GPR158: variants seen among roughly 807,000 people sequenced by gnomAD.
GPR158 encodes the protein metabotropic glycine receptor.
Under a neutral mutation model 78.2 loss-of-function variants are expected in GPR158, and 30 were observed. That is an observed-to-expected ratio of 0.38 (90% CI 0.29 to 0.52). The LOEUF is 0.52. Among genes scored for constraint, GPR158 ranks in the 20% least tolerant of loss-of-function variants. The probability of loss-of-function intolerance (pLI) is 0.83; values close to 1 mark genes in which losing one functional copy is unlikely to be tolerated. For missense variants in GPR158, 1,463 were observed against 1,523.5 expected (o/e 0.96, Z 0.66); for synonymous variants, 581 against 591.1 (o/e 0.98, Z 0.25).
chr10:25,444,849 C>A (rs1306768260), intron 4 of GPR158, among the ~76,000 whole-genome samples: 4 of 152,050 alleles, frequency 2.6e-5, no homozygotes, highest in African/African-American at 9.7e-5. Flanking sequence ...GAACAGTAGT[C>A]ATGTGATGTA....
intron 2 of GPR158, chr10:25,244,897 C>G (rs924738847): frequency 4.0e-5 from 6 of 151,034 alleles, no homozygotes; most frequent in African/African-American, 1.5e-4. Flanking sequence ...CCTCTTTTCT[C>G]CTGGATTTCT....
At chr10:25,374,035 A>G (rs186869968) in intron 2 of GPR158, among the ~76,000 whole-genome samples, 93 of 151,822 alleles carry the variant, frequency 6.1e-4, no homozygotes, top group Admixed American at 1.2e-3. Context: ...ATCCCATACT[A>G]TAATTGTGGA....
intron 5 of GPR158, among the ~76,000 whole-genome samples, chr10:25,532,665 T>C (rs1026701289): frequency 6.6e-6 from 1 of 152,024 alleles, no homozygotes; most frequent in Non-Finnish European, 1.5e-5. Context: ...GAGCCAGGCA[T>C]TTATGCAATG....
Position 25,221,085 on chromosome 10 carries a change from A to G in GPR158, c.936A>G (p.Lys312=), listed in dbSNP as rs1405790766. ...GVMKVDINLQ[K]VDIDQCSSDG... is the part of the protein sequence containing the mutation. ...TGAAAGTTGACATAAATCTTCAGAA[A>G]GTGGACATTGACCAATGCTCAAGTG... Residue 312 remains lysine (K), a synonymous_variant, in exon 2 of 11, where the codon AAA becomes AAG. Coordinates refer to ENST00000376351, the MANE Select transcript of GPR158 (RefSeq NM_020752.3). The G allele has an allele frequency of 6.3e-7, 1 of 1,598,958 alleles. No homozygotes were observed. Among genetic ancestry groups the G allele is most frequent in the East Asian group, 2.2e-5 (1 of 44,738 alleles).
At chr10:25,385,418 A>G (rs1177627822) in intron 2 of GPR158, among the ~76,000 whole-genome samples, 3 of 152,270 alleles carry the variant, frequency 2.0e-5, no homozygotes, top group Admixed American at 6.5e-5. Flanking sequence ...AAATAGTGCC[A>G]CTATGAATAT....
chr10:25,383,357 G>T (rs899369427), intron 2 of GPR158, among the ~76,000 whole-genome samples: 6 of 152,292 alleles, frequency 3.9e-5, no homozygotes, highest in South Asian at 2.1e-4. Flanking sequence ...GCTGGAATTA[G>T]ATAAGTCTCC....
chr10:25,561,791 T>A (rs76583237), intron 6 of GPR158, among the ~76,000 whole-genome samples: 3,401 of 152,332 alleles, frequency 0.022, 55 homozygotes, highest in African/African-American at 0.038. Flanking sequence ...TGATATGTTA[T>A]CACATTTCCT....
At position 25,588,669 on chromosome 10, in the gene GPR158, G is replaced by A. The variant is rs75736933; in HGVS notation, c.1754-338G>A. Among the ~76,000 whole-genome samples the A allele has an allele frequency of 5.1e-4, 78 of 152,200 alleles. 1 individual carries two copies. In the East Asian group the frequency reaches 0.015, roughly 29 times the overall value. On this transcript the variant is annotated intron_variant, in intron 7 of 10. Coordinates refer to ENST00000376351, the MANE Select transcript of GPR158 (RefSeq NM_020752.3). ...CTTTATTGTGACCTGAGTGTTCCAC[G>A]AGCATCCTAAACTTAGGTTAGGGAT... is the stretch of plus-strand genomic sequence containing the variant.
intron 4 of GPR158, among the ~76,000 whole-genome samples, chr10:25,428,913 T>C (rs952276730): frequency 6.6e-6 from 1 of 152,092 alleles, no homozygotes; most frequent in African/African-American, 2.4e-5. Flanking sequence ...AGTATAATCA[T>C]GCTTTTTGAA....
At chr10:25,522,573 C>A (rs910834482) in intron 5 of GPR158, among the ~76,000 whole-genome samples, 5 of 152,250 alleles carry the variant, frequency 3.3e-5, no homozygotes, top group South Asian at 2.1e-4. Context: ...GAGGAAATTG[C>A]ATTTATGTAA....
At position 25,571,228 on chromosome 10, in the gene GPR158, T is replaced by C. The variant is rs868751901; in HGVS notation, c.1515-1421T>C. Among the ~76,000 whole-genome samples the C allele has an allele frequency of 3.9e-5, 6 of 152,314 alleles. No homozygotes were observed. The South Asian group carries it at 1.2e-3, about 32-fold the overall frequency. On this transcript the variant is annotated intron_variant, in intron 6 of 10. Coordinates refer to ENST00000376351, the MANE Select transcript of GPR158 (RefSeq NM_020752.3). ...GAGCGTGGTTAAGAGATCTTCTGTTTTACTTGTATCTGTTACTATATTTCT... is the reference window on the plus strand; with the variant it reads ...GAGCGTGGTTAAGAGATCTTCTGTTCTACTTGTATCTGTTACTATATTTCT...
At chr10:25,426,903 T>C (rs189527097) in intron 4 of GPR158, among the ~76,000 whole-genome samples, 16 of 152,238 alleles carry the variant, frequency 1.1e-4, no homozygotes, top group Non-Finnish European at 2.1e-4. Flanking sequence ...GATAAAATGA[T>C]GTATGCTAGT....
intron 5 of GPR158, among the ~76,000 whole-genome samples, chr10:25,473,302 A>C (rs1564465154): frequency 6.6e-6 from 1 of 152,154 alleles, no homozygotes; most frequent in Non-Finnish European, 1.5e-5. Flanking sequence ...CCAGGGATGA[A>C]GCCCACTTGA....
intron 2 of GPR158, among the ~76,000 whole-genome samples, chr10:25,394,626 A>G (rs1033383861): frequency 3.3e-5 from 5 of 152,174 alleles, no homozygotes; most frequent in Non-Finnish European, 7.3e-5. Context: ...TGTGTTTTCA[A>G]TTGCAGCATA....
In GPR158 at chr10:25,572,565, T is replaced by C; in HGVS notation, c.1515-84T>C. The C allele has an allele frequency of 6.4e-6, 6 of 937,618 alleles. No homozygotes were observed. The South Asian group carries it at 8.4e-5, about 13-fold the overall frequency. 58.1% of individuals were successfully genotyped at this position (937,618 alleles called of 1,614,324 possible). On this transcript the variant is annotated intron_variant, in intron 6 of 10. Coordinates refer to ENST00000376351, the MANE Select transcript of GPR158 (RefSeq NM_020752.3). The stretch of plus-strand genomic sequence containing the variant: ...TTAGCTGGATTTTGGTGGGTTTACA[T>C]TTTACCTAGAAAAATAAGTTATTTT...
At chr10:25,515,721 A>G (rs1236027240) in intron 5 of GPR158, among the ~76,000 whole-genome samples, 1 of 147,958 alleles carries the variant, frequency 6.8e-6, no homozygotes, top group Non-Finnish European at 1.5e-5. Context: ...ATGGCTGCAT[A>G]GTATTCCATG....
chr10:25,370,755 T>G (rs768830839), intron 2 of GPR158, among the ~76,000 whole-genome samples: 38 of 150,742 alleles, frequency 2.5e-4, no homozygotes, highest in African/African-American at 4.4e-4. Flanking sequence ...TCTGTCTAAT[T>G]TTGACAGTGG....
intron 1 of GPR158, among the ~76,000 whole-genome samples, chr10:25,210,594 T>C (rs774685212): frequency 9.2e-5 from 14 of 152,256 alleles, no homozygotes; most frequent in Non-Finnish European, 1.6e-4. Context: ...ATTATTGTTT[T>C]AATTTGCATT....
chr10:25,406,986 G>A (rs1834523971), intron 3 of GPR158, among the ~76,000 whole-genome samples: 1 of 152,182 alleles, frequency 6.6e-6, no homozygotes. Context: ...AAAGGTTATA[G>A]CTGCCAGTTA....
Sources: allele counts gnomAD v4.1 joint callset (sites outside exome capture counted in the v4.1 genomes callset), GRCh38; gene constraint gnomAD v4.1.1; transcripts MANE v1.5; gene names NCBI Gene and HGNC (gene_info 2026-07-23, HGNC 2026-07-21).